The following EXTL3 variants were observed in gnomAD, a reference collection of about 807,000 sequenced individuals.
EXTL3 encodes exostosin-like 3.
In EXTL3, 27 loss-of-function variants were observed where a neutral mutation model predicts 69.3. That is an observed-to-expected ratio of 0.39 (90% CI 0.29 to 0.54). The LOEUF (loss-of-function observed/expected upper bound fraction) is 0.54, where lower values mean the gene tolerates loss of function less well. Ranked by LOEUF, EXTL3 falls within the 20% of genes least tolerant of loss-of-function variation. The probability of loss-of-function intolerance (pLI) is 0.69; values close to 1 mark genes in which losing one functional copy is unlikely to be tolerated. For missense variants in EXTL3, 1,003 were observed against 1,231.8 expected, an observed-to-expected ratio of 0.81 and a Z score of 2.78; for synonymous variants, 511 against 499.4, an observed-to-expected ratio of 1.02 and a Z score of -0.31.
chr8:28,686,347 A>AAG (rs1563204410), intron 1 of EXTL3, among the ~76,000 whole-genome samples: 4 of 151,554 alleles, frequency 2.6e-5, no homozygotes, highest in African/African-American at 7.3e-5. Flanking sequence ...AAAAAAAAAA[A>AAG]GAAAAGAAAA....
chr8:28,672,838 T>A lies in EXTL3; in HGVS notation c.-52-40619T>A, dbSNP rs150229334. Among the ~76,000 whole-genome samples the A allele has an allele frequency of 5.8e-4, 88 of 152,310 alleles. 2 individuals are homozygous for A. In the East Asian group the frequency reaches 0.011, roughly 20 times the overall value. On this transcript the variant is annotated intron_variant, in intron 1 of 6. Transcript: ENST00000523149. The stretch of plus-strand genomic sequence containing the variant: ...GTCCCCATCCAAATCTCATCTTGAA[T>A]TGTGGCTTCCACAATTCTCACGTGT...
At chr8:28,619,312 A>AAAAAAAAAAAC (rs1563426171), upstream of EXTL3, among the ~76,000 whole-genome samples, 4 of 118,212 alleles carry the variant, frequency 3.4e-5, no homozygotes, top group African/African-American at 1.0e-4. Context: ...AAAAAAAAAA[A>AAAAAAAAAAAC]AAACCCTGTG....
At chr8:28,666,753 T>G (rs164660) in intron 1 of EXTL3, among the ~76,000 whole-genome samples, 15,482 of 152,098 alleles carry the variant, frequency 0.1, 998 homozygotes, top group Admixed American at 0.16. Context: ...TTTTGTATTA[T>G]TAGTAGAGAT....
At chr8:28,742,302 T>C (rs1019163474) in intron 5 of EXTL3, 1 of 152,202 alleles carries the variant, frequency 6.6e-6, no homozygotes, top group Non-Finnish European at 1.5e-5. Flanking sequence ...AACAACAAGC[T>C]GACAACATTC....
intron 1 of EXTL3, among the ~76,000 whole-genome samples, chr8:28,654,706 A>G (rs1806978178): frequency 6.6e-6 from 1 of 152,212 alleles, no homozygotes; most frequent in Non-Finnish European, 1.5e-5. Flanking sequence ...AGTCTATATC[A>G]TATAATAATA....
At chr8:28,724,076 AATAC>A (rs755014182) in intron 3 of EXTL3, among the ~76,000 whole-genome samples, 26 of 152,308 alleles carry the variant, frequency 1.7e-4, no homozygotes, top group South Asian at 8.3e-4. Flanking sequence ...TAAAAATTAA[AATAC>A]ATACAGAATA....
At chr8:28,733,818 CTT>C (rs768694070) in intron 4 of EXTL3, among the ~76,000 whole-genome samples, 8 of 139,104 alleles carry the variant, frequency 5.8e-5, no homozygotes, top group Admixed American at 7.2e-5. Context: ...GGATTGTCGT[CTT>C]TTTTTTTTTT....
At chr8:28,624,534 G>A (rs143692381) in intron 1 of EXTL3, among the ~76,000 whole-genome samples, 2 of 152,302 alleles carry the variant, frequency 1.3e-5, no homozygotes, top group African/African-American at 4.8e-5. Flanking sequence ...CTGCACCCCA[G>A]CCTGGGTGAC....
intron 1 of EXTL3, among the ~76,000 whole-genome samples, chr8:28,690,705 C>T (rs916880539): frequency 3.9e-5 from 6 of 152,136 alleles, no homozygotes; most frequent in Admixed American, 6.5e-5. Flanking sequence ...CTCACCTGGG[C>T]GTCTCCATAG....
chr8:28,658,971 T>G (rs1249998345), intron 1 of EXTL3, among the ~76,000 whole-genome samples: 1 of 152,246 alleles, frequency 6.6e-6, no homozygotes, highest in African/African-American at 2.4e-5. Flanking sequence ...GATATTTGCC[T>G]TCTTTCCAAT....
intron 1 of EXTL3, chr8:28,631,531 A>C (rs1047168763): frequency 2.7e-4 from 41 of 152,220 alleles, no homozygotes; most frequent in African/African-American, 9.6e-4. Flanking sequence ...CAGGCGTTGA[A>C]GTGTTAAAAC....
chr8:28,672,647 G>A (rs1373700819), intron 1 of EXTL3, among the ~76,000 whole-genome samples: 2 of 152,096 alleles, frequency 1.3e-5, no homozygotes, highest in Non-Finnish European at 2.9e-5. Context: ...CTCTAGGGGT[G>A]GACCCTAGAA....
intron 4 of EXTL3, among the ~76,000 whole-genome samples, chr8:28,734,941 G>A (rs898008905): frequency 3.9e-5 from 6 of 152,184 alleles, no homozygotes; most frequent in Non-Finnish European, 4.4e-5. Context: ...CATCTGTAAA[G>A]AATGATTTGA....
chr8:28,750,761 G>GTACA lies in EXTL3; in HGVS notation c.2655_2656insTACA (p.Val886TyrfsTer27). 1 of 1,614,212 alleles carries GTACA rather than the reference G, an allele frequency of 6.2e-7. No individual in the cohort carries two copies. Among genetic ancestry groups the GTACA allele is most frequent in the Non-Finnish European group, 8.5e-7 (1 of 1,180,034 alleles). ...ACAAGTGCATCAACTTCTTCGTGAA[G>GTACA]GTGTACGGCTACATGCCCCTCCTGT... On this transcript the variant is annotated frameshift_variant, in exon 7 of 7. Transcript: ENST00000220562. LOFTEE classifies it high-confidence loss of function. This position sits in a 1 kb window ranked among gnomAD's most constrained non-coding sequence, Gnocchi z 5.2.
At chr8:28,620,241 A>G (rs1209138075), upstream of EXTL3, among the ~76,000 whole-genome samples, 1 of 151,996 alleles carries the variant, frequency 6.6e-6, no homozygotes, top group Non-Finnish European at 1.5e-5. Flanking sequence ...GCAGGGCTTC[A>G]TTTCTCTGAG....
chr8:28,629,696 A>G (rs761697311), intron 1 of EXTL3, among the ~76,000 whole-genome samples: 5 of 152,112 alleles, frequency 3.3e-5, no homozygotes, highest in Non-Finnish European at 7.4e-5. Context: ...ACCCAGAGCT[A>G]CAGGGTTCCA....
chr8:28,693,890 T>C (rs1800651229), intron 1 of EXTL3, among the ~76,000 whole-genome samples: 2 of 152,244 alleles, frequency 1.3e-5, no homozygotes, highest in South Asian at 2.1e-4. Flanking sequence ...GTCATTTATA[T>C]ATAGAAAAGA....
intron 1 of EXTL3, among the ~76,000 whole-genome samples, chr8:28,705,457 C>A (rs1430303700): frequency 6.6e-6 from 1 of 151,920 alleles, no homozygotes; most frequent in Admixed American, 6.6e-5. Flanking sequence ...GTGGCTCACA[C>A]CTGTAATCCC....
At chr8:28,614,628 G>A (rs1462882047) in intron 2 of EXTL3, among the ~76,000 whole-genome samples, 1 of 151,980 alleles carries the variant, frequency 6.6e-6, no homozygotes, top group East Asian at 1.9e-4. Context: ...GGAAGCTTAG[G>A]TTGCTGGTTT....
Sources: gnomAD v4.1 joint callset for allele counts (sites outside exome capture counted in the v4.1 genomes callset) on GRCh38, gnomAD v4.1.1 for gene constraint, Gnocchi (gnomAD v3.1) non-coding constraint, MANE v1.5 for transcripts, NCBI Gene and HGNC (gene_info 2026-07-23, HGNC 2026-07-21) for gene names.